AOPEP: variants seen among roughly 807,000 people sequenced by gnomAD.
AOPEP encodes aminopeptidase O.
AOPEP carries 77 observed loss-of-function variants against 98.1 expected under a neutral mutation model. The ratio of observed to expected loss-of-function variants is 0.78; its 90% confidence interval spans 0.65 to 0.95. The LOEUF (loss-of-function observed/expected upper bound fraction) is 0.95, where lower values mean the gene tolerates loss of function less well. AOPEP is among the 40% of genes least tolerant of loss of function. The pLI is 0.00. For missense variants in AOPEP, 1,024 were observed against 1,024.7 expected (o/e 1.00, Z 0.01); for synonymous variants, 346 against 365.3 (o/e 0.95, Z 0.60).
At chr9:95,011,914 G>A (rs570471488) in intron 13 of AOPEP, among the ~76,000 whole-genome samples, 1 of 152,268 alleles carries the variant, frequency 6.6e-6, no homozygotes, top group African/African-American at 2.4e-5. Context: ...GAAAGTTAAA[G>A]TATCATCATC....
At chr9:95,019,014 T>A (rs1025129469) in intron 13 of AOPEP, 2 of 152,144 alleles carry the variant, frequency 1.3e-5, no homozygotes, top group Admixed American at 1.3e-4. Context: ...AGGAAAACAT[T>A]CCTAAATTTA....
In AOPEP at chr9:94,988,844, G is replaced by C. The variant is rs1008754073; in HGVS notation, c.1977+9417G>C. ...CATCTCCATAGGTACGGCTGGAACT[G>C]GTCAACATAATCCGTAATTATCTCA... On this transcript the variant is annotated intron_variant, in intron 11 of 16. Coordinates refer to ENST00000375315, the MANE Select transcript of AOPEP (RefSeq NM_001193329.3). 1.2e-4 allele frequency among the ~76,000 whole-genome samples: 19 copies of C among 152,030 alleles called. 1 individual carries two copies. Among genetic ancestry groups the C allele is most frequent in the Admixed American group, 9.2e-4 (14 of 15,272 alleles).
chr9:95,139,231 C>T, the AOPEP span, among the ~76,000 whole-genome samples: 3,455 of 152,188 alleles, frequency 0.023, 143 homozygotes, highest in African/African-American at 0.079. Context: ...GGAAGGGAAA[C>T]GCACCGACGT....
At chr9:94,867,627 T>C (rs1001352051) in intron 5 of AOPEP, among the ~76,000 whole-genome samples, 1 of 152,236 alleles carries the variant, frequency 6.6e-6, no homozygotes, top group Non-Finnish European at 1.5e-5. Flanking sequence ...TCAGACTCTT[T>C]TCCTGACTGG....
chr9:95,103,317 G>A, the AOPEP span, among the ~76,000 whole-genome samples: 3 of 152,148 alleles, frequency 2.0e-5, no homozygotes, highest in African/African-American at 7.2e-5. Context: ...CCCTGCAGCC[G>A]CCTGGAAAAC....
chr9:95,010,083 A>T lies in AOPEP; in HGVS notation c.2115+4467A>T, dbSNP rs543056525. Among the ~76,000 whole-genome samples the T allele has an allele frequency of 1.1e-4, 16 of 152,320 alleles. 1 individual carries two copies. In the South Asian group the frequency reaches 1.2e-3, roughly 12 times the overall value. ...TTAGTTTGAATAATAATTCAGATTT[A>T]AAAAATTGTATATAAAATCCAATTT... On this transcript the variant is annotated intron_variant, in intron 13 of 16. Transcript: ENST00000375315.
intron 5 of AOPEP, among the ~76,000 whole-genome samples, chr9:94,846,401 A>G (rs1343997579): frequency 6.6e-6 from 1 of 152,164 alleles, no homozygotes; most frequent in Non-Finnish European, 1.5e-5. Flanking sequence ...GTGATAGAAT[A>G]TTGGGAAAAG....
At chr9:94,985,092 T>C (rs1309327946) in intron 11 of AOPEP, among the ~76,000 whole-genome samples, 1 of 152,228 alleles carries the variant, frequency 6.6e-6, no homozygotes, top group East Asian at 1.9e-4. Flanking sequence ...GTCTCCTCTT[T>C]GGAGGAAGTG....
the AOPEP span, chr9:95,099,004 G>A: frequency 7.4e-5 from 13 of 176,508 alleles, no homozygotes; most frequent in South Asian, 2.0e-4. Context: ...TGGGGCCATC[G>A]GGGGAGCTTT....
At chr9:95,081,776 T>A (rs2069816133) in intron 15 of AOPEP, among the ~76,000 whole-genome samples, 1 of 152,184 alleles carries the variant, frequency 6.6e-6, no homozygotes, top group African/African-American at 2.4e-5. Context: ...ATGTCTGGAC[T>A]TTTTTGGGAA....
chr9:94,881,285 C>T (rs543543635), intron 5 of AOPEP, among the ~76,000 whole-genome samples: 2 of 149,048 alleles, frequency 1.3e-5, no homozygotes, highest in Admixed American at 6.7e-5. Flanking sequence ...CTGTCTTAGG[C>T]TTCCTTTAGT....
the AOPEP span, among the ~76,000 whole-genome samples, chr9:95,130,886 A>T: frequency 6.6e-6 from 1 of 152,240 alleles, no homozygotes; most frequent in Non-Finnish European, 1.5e-5. Context: ...CACATCTATC[A>T]TGTACAATGA....
chr9:95,083,971 C>T (rs1446199224), intron 16 of AOPEP, among the ~76,000 whole-genome samples: 1 of 152,222 alleles, frequency 6.6e-6, no homozygotes, highest in Non-Finnish European at 1.5e-5. Context: ...ACTATTAAAG[C>T]AACCTAGCGG....
At chr9:95,139,240 G>A in the AOPEP span, among the ~76,000 whole-genome samples, 4 of 152,166 alleles carry the variant, frequency 2.6e-5, no homozygotes, top group Non-Finnish European at 4.4e-5. Context: ...ACGCACCGAC[G>A]TGGTCTCAGT....
At chr9:94,981,031 C>T (rs981360776) in intron 11 of AOPEP, among the ~76,000 whole-genome samples, 2 of 152,204 alleles carry the variant, frequency 1.3e-5, no homozygotes, top group Non-Finnish European at 2.9e-5. Context: ...TCCCAAATTT[C>T]CTGGCCTGGA....
At chr9:94,732,978 CAGTT>C (rs1419260260) in intron 1 of AOPEP, among the ~76,000 whole-genome samples, 1 of 152,000 alleles carries the variant, frequency 6.6e-6, no homozygotes, top group Admixed American at 6.6e-5. Flanking sequence ...AGGACTTTGA[CAGTT>C]AGTTTATAAC....
the AOPEP span, among the ~76,000 whole-genome samples, chr9:95,130,702 G>A: frequency 1.3e-5 from 2 of 152,138 alleles, no homozygotes; most frequent in East Asian, 1.9e-4. Flanking sequence ...AGCTGTTTCC[G>A]AGCCACTGTT....
rs1033506158 is a variant in AOPEP, at chr9:94,955,984, A to G, written c.1841A>G (p.His614Arg). ...TTTTCATTTTTAAGAAAATTTGTGC[A>G]CACATTTCATGGACAGCTGATTCTT... The part of the protein sequence containing the change: ...TYFSFLRKFV[H>R]TFHGQLILSQ... Residue 614 changes from histidine (H) to arginine (R), a missense_variant, in exon 9 of 17, where the codon CAC (histidine) becomes CGC (arginine). His to Arg is a conservative substitution (Grantham distance 29). Around this residue, in one of 3 missense-constraint regions of AOPEP, gnomAD observed 566 missense variants for 551.7 expected, o/e 1.03. Transcript: ENST00000375315. 2 of 1,613,518 alleles carry G rather than the reference A, an allele frequency of 1.2e-6. No homozygotes were observed. The highest frequency in any genetic ancestry group is 1.7e-5 in the Admixed American group (1 of 60,026).
At chr9:95,035,412 G>T (rs1026384680) in intron 13 of AOPEP, among the ~76,000 whole-genome samples, 10 of 151,398 alleles carry the variant, frequency 6.6e-5, no homozygotes, top group Non-Finnish European at 1.5e-4. Context: ...CTAAGTAAAG[G>T]TATCTAAGGT....
Sources: allele counts gnomAD v4.1 joint callset (sites outside exome capture counted in the v4.1 genomes callset), GRCh38; gene constraint gnomAD v4.1.1; regional missense constraint gnomAD v4.1.1; transcripts MANE v1.5; gene names NCBI Gene and HGNC (gene_info 2026-07-23, HGNC 2026-07-21).